The following ADAM18 variants were observed in gnomAD, a reference collection of about 807,000 sequenced individuals.
ADAM18 encodes the protein ADAM metallopeptidase domain 18.
ADAM18 carries 117 observed loss-of-function variants against 94.4 expected under a neutral mutation model. That is an observed-to-expected ratio of 1.24 (90% CI 1.07 to 1.45). The LOEUF (loss-of-function observed/expected upper bound fraction) is 1.45, where lower values mean the gene tolerates loss of function less well. Ranked by LOEUF, ADAM18 falls within the 40% of genes most tolerant of loss-of-function variation. ADAM18 has a pLI of 0.00. For missense variants in ADAM18, 936 were observed against 880.0 expected, an observed-to-expected ratio of 1.06 and a Z score of -0.81; for synonymous variants, 327 against 291.6, an observed-to-expected ratio of 1.12 and a Z score of -1.24.
chr8:39,610,488 A>G (rs2129578491), intron 5 of ADAM18, 41 bp from the exon 6 acceptor site: 1 of 1,544,956 alleles, frequency 6.5e-7, no homozygotes, highest in Non-Finnish European at 8.8e-7. Context: ...ATCATTTGTG[A>G]GATTTTTATA....
At position 39,637,017 on chromosome 8, in the gene ADAM18, TTTTATATA is replaced by T. The variant is rs1352629093; in HGVS notation, c.589-245_589-238del. On this transcript the variant is annotated intron_variant, in intron 7 of 19. Coordinates refer to ENST00000265707, the MANE Select transcript of ADAM18 (RefSeq NM_014237.3). Reference sequence around the variant, plus strand: ...TTAATAATATTTCCGCATGTGTGTATTTTATATATATATATATATATATATATATATAT... The same window carrying T: ...TTAATAATATTTCCGCATGTGTGTATTATATATATATATATATATATATAT... Among the ~76,000 whole-genome samples, 285 of 84,770 alleles carry T rather than the reference TTTTATATA, an allele frequency of 3.4e-3. 10 individuals carry two copies. Among genetic ancestry groups the T allele is most frequent in the African/African-American group, 9.1e-3 (242 of 26,702 alleles). The allele number at this position is 84,770 out of a possible 152,430, so 55.6% of individuals were successfully genotyped here. A position where few individuals can be genotyped will look rare whatever the true frequency, so the allele number is the denominator to read the frequency against.
At chr8:39,724,471 T>C (rs1472178029) in intron 19 of ADAM18, among the ~76,000 whole-genome samples, 2 of 151,856 alleles carry the variant, frequency 1.3e-5, no homozygotes, top group African/African-American at 4.8e-5. Flanking sequence ...TTCAGACCGG[T>C]TAAAGGTTTG....
chr8:39,606,791 A>G (rs574078885), intron 3 of ADAM18, among the ~76,000 whole-genome samples: 2 of 152,174 alleles, frequency 1.3e-5, no homozygotes, highest in South Asian at 4.1e-4. Flanking sequence ...GAGTCAGCAA[A>G]GGGAGATAGG....
chr8:39,616,547 A>G lies in ADAM18; in HGVS notation c.522+5841A>G, dbSNP rs12114209. ...CTAAAATTCATATGGGACCAAAAAA[A>G]GAGCCTGAATAGCCAAAGGAATTCT... On this transcript the variant is annotated intron_variant, in intron 6 of 19. Coordinates refer to ENST00000265707, the MANE Select transcript of ADAM18 (RefSeq NM_014237.3). Among the ~76,000 whole-genome samples the G allele has an allele frequency of 4.7e-4, 72 of 152,238 alleles. 1 individual carries two copies. The highest frequency in any genetic ancestry group is 1.7e-3 in the African/African-American group (72 of 41,462).
intron 2 of ADAM18, among the ~76,000 whole-genome samples, chr8:39,590,698 T>C (rs1382906964): frequency 6.6e-6 from 1 of 152,230 alleles, no homozygotes; most frequent in Non-Finnish European, 1.5e-5. Context: ...TTTTTCTAGA[T>C]TTTCTTTTTT....
At chr8:39,671,718 G>A (rs577522119) in intron 14 of ADAM18, among the ~76,000 whole-genome samples, 46 of 152,186 alleles carry the variant, frequency 3.0e-4, no homozygotes, top group African/African-American at 1.1e-3. Flanking sequence ...TTCATAACAC[G>A]AAGTGTATTC....
chr8:39,686,879 A>G (rs1041130218), intron 16 of ADAM18, among the ~76,000 whole-genome samples: 85 of 152,336 alleles, frequency 5.6e-4, no homozygotes, highest in African/African-American at 1.9e-3. Context: ...GTATGTTTCC[A>G]TTACTTTGTT....
chr8:39,652,081 T>C (rs1820556251), intron 12 of ADAM18, among the ~76,000 whole-genome samples: 1 of 152,038 alleles, frequency 6.6e-6, no homozygotes, highest in Admixed American at 6.5e-5. Context: ...AACTAAGACC[T>C]GAAACTATAA....
At chr8:39,692,978 T>A (rs1216495518) in intron 17 of ADAM18, among the ~76,000 whole-genome samples, 1 of 151,608 alleles carries the variant, frequency 6.6e-6, no homozygotes, top group Non-Finnish European at 1.5e-5. Flanking sequence ...CCACACACAT[T>A]TAATAATTAA....
At chr8:39,644,222 T>C (rs1240160340) in intron 10 of ADAM18, among the ~76,000 whole-genome samples, 1 of 152,114 alleles carries the variant, frequency 6.6e-6, no homozygotes, top group African/African-American at 2.4e-5. Context: ...AGATAAATAA[T>C]ATGAAAAACA....
intron 14 of ADAM18, among the ~76,000 whole-genome samples, chr8:39,675,514 G>A (rs1234269654): frequency 1.3e-5 from 2 of 152,132 alleles, no homozygotes; most frequent in Non-Finnish European, 2.9e-5. Context: ...ATTCTAGTTA[G>A]CCATTCATCT....
chr8:39,664,631 T>C (rs1480877390), intron 13 of ADAM18, among the ~76,000 whole-genome samples: 1 of 152,116 alleles, frequency 6.6e-6, no homozygotes, highest in African/African-American at 2.4e-5. Context: ...TGGAAAAAAT[T>C]GTAGCATGAA....
chr8:39,609,234 C>A, intron 4 of ADAM18, 114 bp downstream of exon 4: 1 of 815,978 alleles, frequency 1.2e-6, no homozygotes, highest in Non-Finnish European at 1.9e-6. Flanking sequence ...ATGTTACTGA[C>A]TTTTGTACAT....
At chr8:39,592,385 C>T (rs547725144) in intron 2 of ADAM18, among the ~76,000 whole-genome samples, 2 of 152,262 alleles carry the variant, frequency 1.3e-5, no homozygotes, top group South Asian at 2.1e-4. Flanking sequence ...AAGACACCTG[C>T]ACTTGTATGT....
chr8:39,651,631 G>T (rs1820540987), intron 12 of ADAM18, among the ~76,000 whole-genome samples: 1 of 81,364 alleles, frequency 1.2e-5, no homozygotes, highest in African/African-American at 3.3e-5. Flanking sequence ...CAGGGTTGGG[G>T]GTAGGGTTAC....
chr8:39,601,203 C>G (rs1354317052), intron 2 of ADAM18, among the ~76,000 whole-genome samples: 2 of 152,220 alleles, frequency 1.3e-5, no homozygotes, highest in African/African-American at 4.8e-5. Context: ...GCCCCACCTC[C>G]AACATTGGAG....
chr8:39,601,441 A>T (rs1296399062), intron 2 of ADAM18, among the ~76,000 whole-genome samples: 1 of 152,232 alleles, frequency 6.6e-6, no homozygotes, highest in Non-Finnish European at 1.5e-5. Context: ...CTTCTTGAGG[A>T]ATTGACACTT....
At chr8:39,608,733 C>T (rs958285519) in intron 3 of ADAM18, among the ~76,000 whole-genome samples, 3 of 151,972 alleles carry the variant, frequency 2.0e-5, no homozygotes, top group African/African-American at 7.3e-5. Context: ...ACTCTGAATC[C>T]CAGCACCTAC....
intron 2 of ADAM18, among the ~76,000 whole-genome samples, chr8:39,605,284 A>T (rs1185748047): frequency 6.6e-6 from 1 of 152,226 alleles, no homozygotes; most frequent in East Asian, 1.9e-4. Context: ...GACTTAGTCC[A>T]GTTACGCCCC....
Sources: allele counts gnomAD v4.1 joint callset (sites outside exome capture counted in the v4.1 genomes callset), GRCh38; gene constraint gnomAD v4.1.1; transcripts MANE v1.5; gene names NCBI Gene and HGNC (gene_info 2026-07-23, HGNC 2026-07-21).